The following CNTN4 variants were observed in gnomAD, a reference collection of about 807,000 sequenced individuals.
CNTN4 encodes the protein contactin-4.
A neutral mutation model predicts 122.5 loss-of-function variants in CNTN4; 77 were observed. The observed-to-expected ratio is 0.63, with a 90% CI of 0.52 to 0.76. The LOEUF (loss-of-function observed/expected upper bound fraction) is 0.76, where lower values mean the gene tolerates loss of function less well. Among genes scored for constraint, CNTN4 ranks in the 30% least tolerant of loss-of-function variants. CNTN4 has a pLI of 0.00. For missense variants in CNTN4, 1,256 were observed against 1,259.1 expected (o/e 1.00, Z 0.04); for synonymous variants, 512 against 447.0 (o/e 1.15, Z -1.83).
chr3:2,763,098 C>A (rs1047836835), intron 6 of CNTN4, among the ~76,000 whole-genome samples: 1 of 152,016 alleles, frequency 6.6e-6, no homozygotes, highest in African/African-American at 2.4e-5. Context: ...CGTGCCACCA[C>A]GCCCAGCTAA....
At chr3:2,247,486 A>G (rs1166524901) in intron 2 of CNTN4, among the ~76,000 whole-genome samples, 1 of 151,996 alleles carries the variant, frequency 6.6e-6, no homozygotes, top group Non-Finnish European at 1.5e-5. Context: ...ATGACAGATG[A>G]TGATAGTTTT....
intron 3 of CNTN4, among the ~76,000 whole-genome samples, chr3:2,343,270 C>G (rs1466275291): frequency 6.6e-6 from 1 of 152,154 alleles, no homozygotes; most frequent in Non-Finnish European, 1.5e-5. Context: ...AGGCTACTCC[C>G]TTTGTACTGC....
chr3:2,165,730 C>T (rs2036165678), intron 2 of CNTN4, among the ~76,000 whole-genome samples: 1 of 152,030 alleles, frequency 6.6e-6, no homozygotes, highest in African/African-American at 2.4e-5. Flanking sequence ...ATTCTATTTT[C>T]TGTTTCTATG....
intron 4 of CNTN4, among the ~76,000 whole-genome samples, chr3:2,668,255 T>A (rs2084288336): frequency 6.6e-6 from 1 of 151,600 alleles, no homozygotes; most frequent in Non-Finnish European, 1.5e-5. Flanking sequence ...GTTTGTGTCC[T>A]CTTTTATTTC....
chr3:2,629,110 C>G (rs963178152), intron 4 of CNTN4, among the ~76,000 whole-genome samples: 3 of 152,096 alleles, frequency 2.0e-5, no homozygotes, highest in South Asian at 2.1e-4. Context: ...AGCCTTAACC[C>G]CCAAATGTGA....
chr3:2,972,768 G>A (rs575657002), intron 13 of CNTN4, among the ~76,000 whole-genome samples: 6 of 151,982 alleles, frequency 3.9e-5, no homozygotes, highest in Admixed American at 1.3e-4. Context: ...CCTCTTCTTT[G>A]CTTTAAGTAG....
At chr3:2,452,312 T>C (rs2048856676) in intron 3 of CNTN4, among the ~76,000 whole-genome samples, 1 of 152,200 alleles carries the variant, frequency 6.6e-6, no homozygotes, top group Non-Finnish European at 1.5e-5. Context: ...TAAAGTTGAT[T>C]ACTGCAGGAG....
At chr3:2,895,906 G>A (rs1197562743) in intron 10 of CNTN4, among the ~76,000 whole-genome samples, 5 of 152,110 alleles carry the variant, frequency 3.3e-5, no homozygotes, top group African/African-American at 7.2e-5. Context: ...GGTGGCGGGC[G>A]CCTGTGGTCC....
At chr3:2,801,565 A>G (rs928835519) in intron 6 of CNTN4, among the ~76,000 whole-genome samples, 1 of 152,198 alleles carries the variant, frequency 6.6e-6, no homozygotes, top group Non-Finnish European at 1.5e-5. Flanking sequence ...TCTTTGGAGA[A>G]AAATAAAGCA....
chr3:2,429,644 T>C (rs1245265996), intron 3 of CNTN4, among the ~76,000 whole-genome samples: 1 of 152,206 alleles, frequency 6.6e-6, no homozygotes, highest in Non-Finnish European at 1.5e-5. Context: ...CAGTAGTTTC[T>C]GCTGCCTTTT....
intron 6 of CNTN4, among the ~76,000 whole-genome samples, chr3:2,768,144 A>T (rs1290320823): frequency 6.6e-6 from 1 of 152,202 alleles, no homozygotes; most frequent in African/African-American, 2.4e-5. Context: ...TCCTGCTGGA[A>T]ATTAAACATC....
At chr3:2,910,340 T>C (rs7644269) in intron 12 of CNTN4, among the ~76,000 whole-genome samples, 20,752 of 152,170 alleles carry the variant, frequency 0.14, 2,121 homozygotes, top group African/African-American at 0.29. Context: ...TTATATACAA[T>C]CCTATAACCA....
chr3:2,126,198 C>A (rs887619460), intron 2 of CNTN4, among the ~76,000 whole-genome samples: 1 of 152,040 alleles, frequency 6.6e-6, no homozygotes, highest in African/African-American at 2.4e-5. Flanking sequence ...CGCTTAAAAT[C>A]TAGAAGCTCT....
chr3:3,010,710 A>C (rs1479555991), intron 14 of CNTN4, among the ~76,000 whole-genome samples: 1 of 152,152 alleles, frequency 6.6e-6, no homozygotes, highest in Non-Finnish European at 1.5e-5. Flanking sequence ...CTGTGAAATT[A>C]AGACCTACGT....
intron 3 of CNTN4, among the ~76,000 whole-genome samples, chr3:2,512,118 A>G (rs1341436564): frequency 1.3e-5 from 2 of 152,312 alleles, no homozygotes; most frequent in South Asian, 2.1e-4. Flanking sequence ...TAAATTTAAC[A>G]TAGTTTATTT....
intron 7 of CNTN4, among the ~76,000 whole-genome samples, chr3:2,857,349 G>A (rs554173540): frequency 7.6e-4 from 116 of 152,284 alleles, no homozygotes; most frequent in Non-Finnish European, 1.4e-3. Context: ...TGCTTCAAGG[G>A]ATTAACACTT....
Position 2,162,457 on chromosome 3 carries a change from T to C in CNTN4, c.-145+61818T>C, listed in dbSNP as rs550893691. Among the ~76,000 whole-genome samples, 27 of 152,314 alleles carry C rather than the reference T, an allele frequency of 1.8e-4. No individual in the cohort carries two copies. The East Asian group carries it at 3.5e-3, about 20-fold the overall frequency. On this transcript the variant is annotated intron_variant, in intron 2 of 24. Transcript: ENST00000418658. ...TTTTGAGATCTTTATTTCTCCCAGC[T>C]ACCTATCAAATAATATAGGAGGGAA...
In CNTN4 at chr3:2,951,709, AG is replaced by A. The variant is rs1397296012; in HGVS notation, c.1358+25932del. ...TCATATGTGTATATCAGAAAAACAA[AG>A]GTGGCTCATCTCTCCACAGTAGTTT... On this transcript the variant is annotated intron_variant, in intron 13 of 24. Transcript: ENST00000418658. Among the ~76,000 whole-genome samples, 3 of 152,242 alleles carry A rather than the reference AG, an allele frequency of 2.0e-5. No individual in the cohort carries two copies. The East Asian group carries it at 5.8e-4, about 29-fold the overall frequency.
At chr3:2,719,342 C>G (rs181419976) in intron 4 of CNTN4, among the ~76,000 whole-genome samples, 45 of 150,672 alleles carry the variant, frequency 3.0e-4, no homozygotes, top group African/African-American at 9.3e-4. Context: ...GTCGCCCAGG[C>G]TGGAATGCAG....
Sources: gnomAD v4.1 joint callset for allele counts (sites outside exome capture counted in the v4.1 genomes callset) on GRCh38, gnomAD v4.1.1 for gene constraint, MANE v1.5 for transcripts, NCBI Gene and HGNC (gene_info 2026-07-23, HGNC 2026-07-21) for gene names.